Variants in ME1 observed in about 807,000 individuals in gnomAD.
ME1 encodes the protein NADP-dependent malic enzyme.
Under a neutral mutation model 66.4 loss-of-function variants are expected in ME1, and 74 were observed. The ratio of observed to expected loss-of-function variants is 1.11; its 90% confidence interval spans 0.92 to 1.35. The LOEUF (loss-of-function observed/expected upper bound fraction) is 1.35, where lower values mean the gene tolerates loss of function less well. Ranked by LOEUF, ME1 falls within the 40% of genes most tolerant of loss-of-function variation. ME1 has a pLI of 0.00. For synonymous variants in ME1, 251 were observed against 235.6 expected (o/e 1.07, Z -0.60); for missense variants, 750 against 694.1 (o/e 1.08, Z -0.90).
At chr6:83,301,395 T>C (rs961231444) in intron 6 of ME1, among the ~76,000 whole-genome samples, 19 of 151,562 alleles carry the variant, frequency 1.3e-4, no homozygotes, top group African/African-American at 4.6e-4. Context: ...CAGACTAGAG[T>C]GCAGTGGCAC....
At chr6:83,406,489 TC>T (rs1301054083) in intron 2 of ME1, among the ~76,000 whole-genome samples, 1 of 152,162 alleles carries the variant, frequency 6.6e-6, no homozygotes, top group Non-Finnish European at 1.5e-5. Flanking sequence ...TCTGGCCTCT[TC>T]TTTTTAGAGT....
intron 6 of ME1, among the ~76,000 whole-genome samples, chr6:83,296,091 C>G (rs1307026803): frequency 6.6e-6 from 1 of 152,064 alleles, no homozygotes; most frequent in African/African-American, 2.4e-5. Flanking sequence ...ATCAAATGTA[C>G]AAAGAAGAGC....
chr6:83,304,554 C>T (rs1410781704), intron 6 of ME1, among the ~76,000 whole-genome samples: 3 of 152,042 alleles, frequency 2.0e-5, no homozygotes, highest in Non-Finnish European at 2.9e-5. Context: ...GGCATTTTTA[C>T]CATGTATATA....
chr6:83,356,298 C>A (rs1768887965), intron 3 of ME1, among the ~76,000 whole-genome samples: 1 of 152,030 alleles, frequency 6.6e-6, no homozygotes, highest in Non-Finnish European at 1.5e-5. Flanking sequence ...GAAAAGTAAA[C>A]CCCACATTTT....
At chr6:83,241,560 G>A (rs1583335387) in intron 7 of ME1, among the ~76,000 whole-genome samples, 1 of 151,918 alleles carries the variant, frequency 6.6e-6, no homozygotes, top group Admixed American at 6.6e-5. Flanking sequence ...TATTTCCTGA[G>A]AACACAATGA....
chr6:83,390,697 G>A (rs954198081), intron 3 of ME1, among the ~76,000 whole-genome samples: 4 of 152,040 alleles, frequency 2.6e-5, no homozygotes, highest in African/African-American at 9.7e-5. Context: ...GCTTTCTCTA[G>A]CAGTAAAGCA....
intron 6 of ME1, among the ~76,000 whole-genome samples, chr6:83,301,167 C>T (rs1484406149): frequency 6.7e-6 from 1 of 150,102 alleles, no homozygotes; most frequent in African/African-American, 2.5e-5. Context: ...GCACGTTGTG[C>T]ACATGTACCC....
chr6:83,212,222 A>G (rs1029464206), intron 13 of ME1, 128 bp from the exon 14 acceptor site: 1 of 555,348 alleles, frequency 1.8e-6, no homozygotes, highest in Non-Finnish European at 3.0e-6. Context: ...AGTGTATTAT[A>G]ATAAAAGCAC....
chr6:83,287,423 G>C (rs963913523), intron 6 of ME1, among the ~76,000 whole-genome samples: 5 of 152,102 alleles, frequency 3.3e-5, no homozygotes, highest in Non-Finnish European at 5.9e-5. Flanking sequence ...CTGATCTTGC[G>C]ATAGTTTGCT....
In ME1 at chr6:83,232,852, C is replaced by T. The variant is rs568703964; in HGVS notation, c.1027-3921G>A. Among the ~76,000 whole-genome samples, 25 of 152,226 alleles carry T rather than the reference C, an allele frequency of 1.6e-4. No individual in the cohort carries two copies. In the South Asian group the frequency reaches 5.0e-3, roughly 30 times the overall value. ...CATACAATATACCTTTATTGACCATCTCTTTCTACAGGAGCTAAACATTTA... is the reference window on the plus strand; with the variant it reads ...CATACAATATACCTTTATTGACCATTTCTTTCTACAGGAGCTAAACATTTA... On this transcript the variant is annotated intron_variant, in intron 9 of 13. Coordinates refer to ENST00000369705, the MANE Select transcript of ME1 (RefSeq NM_002395.6).
At chr6:83,430,771 C>G in intron 1 of ME1, 106 bp downstream of exon 1, 1 of 1,031,022 alleles carries the variant, frequency 9.7e-7, no homozygotes, top group South Asian at 1.5e-5. Context: ...GGGAACCTTC[C>G]CAGGGGAGCG....
At chr6:83,248,797 G>C (rs962114405) in intron 7 of ME1, among the ~76,000 whole-genome samples, 1 of 152,122 alleles carries the variant, frequency 6.6e-6, no homozygotes, top group Non-Finnish European at 1.5e-5. Context: ...GAAAGTGTGA[G>C]TCAATTAAAC....
chr6:83,251,397 A>G (rs530953056), intron 7 of ME1, among the ~76,000 whole-genome samples: 10 of 152,162 alleles, frequency 6.6e-5, no homozygotes, highest in Admixed American at 6.5e-4. Flanking sequence ...CAGCAGGCTG[A>G]GGCAAGAGAA....
intron 1 of ME1, among the ~76,000 whole-genome samples, chr6:83,416,287 A>T (rs1188820942): frequency 6.6e-6 from 1 of 152,226 alleles, no homozygotes; most frequent in African/African-American, 2.4e-5. Context: ...CTTATGGTAC[A>T]AAGTTTTAAA....
intron 5 of ME1, among the ~76,000 whole-genome samples, chr6:83,316,191 A>T (rs1768026089): frequency 6.6e-6 from 1 of 152,184 alleles, no homozygotes; most frequent in African/African-American, 2.4e-5. Flanking sequence ...AACAGACTTT[A>T]AAATAAATTT....
At chr6:83,375,170 A>G (rs1769263382) in intron 3 of ME1, among the ~76,000 whole-genome samples, 1 of 152,180 alleles carries the variant, frequency 6.6e-6, no homozygotes. Flanking sequence ...CATTGAATCT[A>G]TAAATTACTT....
chr6:83,242,007 C>A (rs1460125189), intron 7 of ME1, among the ~76,000 whole-genome samples: 8 of 152,102 alleles, frequency 5.3e-5, no homozygotes, highest in African/African-American at 1.9e-4. Flanking sequence ...GGATTACAGG[C>A]ACCCACCACC....
At chr6:83,271,532 A>C (rs1463899503) in intron 6 of ME1, among the ~76,000 whole-genome samples, 1 of 152,198 alleles carries the variant, frequency 6.6e-6, no homozygotes, top group Non-Finnish European at 1.5e-5. Flanking sequence ...AGTCTTTCTC[A>C]TATCAACTAC....
intron 9 of ME1, among the ~76,000 whole-genome samples, chr6:83,230,540 G>C (rs979647036): frequency 6.6e-6 from 1 of 152,104 alleles, no homozygotes; most frequent in Non-Finnish European, 1.5e-5. Context: ...TTTATAGTAA[G>C]AGCTCTATGC....
Sources: allele counts gnomAD v4.1 joint callset (sites outside exome capture counted in the v4.1 genomes callset), GRCh38; gene constraint gnomAD v4.1.1; transcripts MANE v1.5; gene names NCBI Gene and HGNC (gene_info 2026-07-23, HGNC 2026-07-21).